Variants in ZNF648 observed in about 807,000 individuals in gnomAD.
ZNF648 encodes the protein zinc finger protein 648.
Under a neutral mutation model 0.3 loss-of-function variants are expected in ZNF648, and 1 was observed. The ratio of observed to expected loss-of-function variants is 3.90; its 90% CI spans 1.39 to 18.51. The LOEUF (loss-of-function observed/expected upper bound fraction) is 18.51. Among genes scored for constraint, ZNF648 ranks in the 30% most tolerant of loss-of-function variants. The pLI, the probability that ZNF648 is intolerant of heterozygous loss-of-function variation, is 0.11. For missense variants in ZNF648, 874 were observed against 769.7 expected, an observed-to-expected ratio of 1.14 and a Z score of -1.60; for synonymous variants, 376 against 326.8, an observed-to-expected ratio of 1.15 and a Z score of -1.62.
upstream of ZNF648, among the ~76,000 whole-genome samples, chr1:182,066,300 G>A (rs1277682615): frequency 6.6e-6 from 1 of 152,198 alleles, no homozygotes; most frequent in African/African-American, 2.4e-5. Flanking sequence ...GGACTGGATG[G>A]GTGGAGTGGA....
At chr1:182,069,620 A>G in the ZNF648 span, among the ~76,000 whole-genome samples, 1 of 152,212 alleles carries the variant, frequency 6.6e-6, no homozygotes, top group African/African-American at 2.4e-5. Context: ...CCTCTGGCAA[A>G]TCTAATGGGG....
rs1665956401 is a variant in ZNF648, at chr1:182,057,645, A to AGCTCTG, written c.360_365dup (p.Arg121_Ala122dup). The AGCTCTG allele has an allele frequency of 1.2e-6, 2 of 1,614,208 alleles. No individual in the cohort carries two copies. The highest frequency in any genetic ancestry group is 1.7e-6 in the Non-Finnish European group (2 of 1,180,032). ...CGAGACCACTGGGAAGGGAACCCAG[A>AGCTCTG]GCTCTGCTTGCTCCCGGGGAACCCT... On this transcript the variant is annotated inframe_insertion, in exon 2 of 2. Transcript: ENST00000339948.
In ZNF648 at chr1:182,056,156, T is replaced by TA; in HGVS notation, c.*147_*148insT. On this transcript the variant is annotated 3_prime_UTR_variant, in exon 2 of 2. Coordinates refer to ENST00000339948, the MANE Select transcript of ZNF648 (RefSeq NM_001009992.1). ...CCTGGGTGCTCTCTCGGTGGTGACT[T>TA]TCTGTTCAAGGGATCAAATAAATAA... 3 of 932,958 alleles carry TA rather than the reference T, an allele frequency of 3.2e-6. No homozygotes were observed. Among genetic ancestry groups the TA allele is most frequent in the South Asian group, 2.8e-5 (1 of 36,282 alleles). 57.8% of individuals were successfully genotyped at this position (932,958 alleles called of 1,614,324 possible). A position where few individuals can be genotyped will look rare whatever the true frequency, so the allele number is the denominator to read the frequency against.
intron 1 of ZNF648, among the ~76,000 whole-genome samples, chr1:182,061,060 G>A (rs1374272704): frequency 6.6e-6 from 1 of 152,098 alleles, no homozygotes; most frequent in Non-Finnish European, 1.5e-5. Context: ...TTTCAGATGA[G>A]GTATCCCTCC....
the ZNF648 span, chr1:182,068,280 A>C: frequency 6.6e-6 from 1 of 152,182 alleles, no homozygotes; most frequent in South Asian, 2.1e-4. Context: ...TTGAGATTGA[A>C]GTATTCATTT....
chr1:182,057,238 G>A lies in ZNF648; in HGVS notation c.773C>T (p.Ala258Val), dbSNP rs758382380. ...RPYRCLRGGR[A>V]FQKPSKPLSP... ...CAGCGGCTTGCTGGGCTTCTGAAAG[G>A]CCCGCCCGCCCCGCAGGCACCTGTA... The change falls in exon 2 of 2, where the codon GCC (alanine) becomes GTC (valine). Residue 258 changes from alanine (A) to valine (V), a missense_variant. Coordinates refer to ENST00000339948, the MANE Select transcript of ZNF648 (RefSeq NM_001009992.1). 48 of 1,568,244 alleles carry A rather than the reference G, an allele frequency of 3.1e-5. No individual in the cohort carries two copies. The African/African-American group carries it at 6.2e-4, about 20-fold the overall frequency.
rs1665927987 is a variant in ZNF648, at chr1:182,056,941, A to C, written c.1070T>G (p.Met357Arg). Residue 357 changes from methionine (M) to arginine (R), a missense_variant, in exon 2 of 2, where the codon ATG becomes AGG. By Grantham distance (91) the Met-to-Arg change is moderately conservative (BLOSUM62 -1). Transcript: ENST00000339948. ...CGGGAAGGGCTTATTGTTGCTGTGC[A>C]TGTTGCGCTGGTGTTTGCGCAGGTC... The part of the protein sequence containing the change: ...SSDLRKHQRN[M>R]HSNNKPFPCS... 6.2e-7 allele frequency: 1 copy of C among 1,612,522 alleles called. No homozygotes were observed. The highest frequency in any genetic ancestry group is 1.7e-5 in the Admixed American group (1 of 59,758).
chr1:182,060,487 A>G (rs1666013242), intron 1 of ZNF648, among the ~76,000 whole-genome samples: 1 of 152,314 alleles, frequency 6.6e-6, no homozygotes, highest in Admixed American at 6.5e-5. Flanking sequence ...CTCTGGATAC[A>G]GAAGCCATGG....
Position 182,056,827 on chromosome 1 carries a change from G to A in ZNF648, c.1184C>T (p.Pro395Leu), listed in dbSNP as rs898947238. 16 of 1,553,854 alleles carry A rather than the reference G, an allele frequency of 1.0e-5. No homozygotes were observed. Among genetic ancestry groups the A allele is most frequent in the Admixed American group, 2.0e-5 (1 of 50,986 alleles). Residue 395 changes from proline to leucine, a missense_variant, in exon 2 of 2, where the codon CCC (proline) becomes CTC (leucine). Pro to Leu is a moderately conservative substitution (Grantham distance 98). Coordinates refer to ENST00000339948, the MANE Select transcript of ZNF648 (RefSeq NM_001009992.1). ...CACAGCGAACTCCCGGTCGCAGGCG[G>A]GGCAGCGGAAGGGCTTGGCGCCCAG... ...THLGAKPFRCPACDREFAVAS... is the reference protein window; with the variant it reads ...THLGAKPFRCLACDREFAVAS...
the ZNF648 span, among the ~76,000 whole-genome samples, chr1:182,067,081 G>A: frequency 1.3e-5 from 2 of 152,224 alleles, no homozygotes; most frequent in African/African-American, 2.4e-5. Context: ...CAGTGACAGA[G>A]TGGAAGGTTT....
chr1:182,057,848 G>C lies in ZNF648; in HGVS notation c.163C>G (p.Pro55Ala), dbSNP rs207460737. The change falls in exon 2 of 2, where the codon CCA becomes GCA. Residue 55 changes from proline (P) to alanine (A), a missense_variant. Pro to Ala is a conservative substitution (Grantham distance 27, BLOSUM62 -1). Coordinates refer to ENST00000339948, the MANE Select transcript of ZNF648 (RefSeq NM_001009992.1). ...KEGTADPVACPRGSSPVTHEN... is the reference protein window; with the variant it reads ...KEGTADPVACARGSSPVTHEN... ...TGTGTTACTGGGGAGCTGCCCCTTG[G>C]ACAGGCCACCGGGTCAGCGGTGCCC... 2 of 1,614,168 alleles carry C rather than the reference G, an allele frequency of 1.2e-6. No homozygotes were observed. Among genetic ancestry groups the C allele is most frequent in the South Asian group, 1.1e-5 (1 of 91,086 alleles).
upstream of ZNF648, among the ~76,000 whole-genome samples, chr1:182,066,556 G>A (rs1666103737): frequency 6.6e-6 from 1 of 152,220 alleles, no homozygotes; most frequent in East Asian, 1.9e-4. Context: ...AAACTTTGCT[G>A]AGTATGAATA....
Position 182,057,566 on chromosome 1 carries a change from C to G in ZNF648, c.445G>C (p.Asp149His). The change falls in exon 2 of 2, where the codon GAT (aspartate) becomes CAT (histidine). Residue 149 changes from aspartate (D) to histidine (H), a missense_variant. Coordinates refer to ENST00000339948, the MANE Select transcript of ZNF648 (RefSeq NM_001009992.1). ...QPLGDRLPAGDDGYSGANQDA... is the reference protein window; with the variant it reads ...QPLGDRLPAGHDGYSGANQDA... ...TGGTTTGCCCCCGAGTATCCATCAT[C>G]ACCCGCAGGTAGTCGGTCCCCAAGA... 6.2e-7 allele frequency: 1 copy of G among 1,614,242 alleles called. No individual in the cohort carries two copies. Among genetic ancestry groups the G allele is most frequent in the Non-Finnish European group, 8.5e-7 (1 of 1,180,036 alleles).
In ZNF648 at chr1:182,056,103, C is replaced by T; in HGVS notation, c.*201G>A. ...TTCCAATTGCTTATGACCTCGGACA[C>T]TCAGAACCACTGATGTGAAACCACC... On this transcript the variant is annotated 3_prime_UTR_variant, in exon 2 of 2. Coordinates refer to ENST00000339948, the MANE Select transcript of ZNF648 (RefSeq NM_001009992.1). The T allele has an allele frequency of 1.5e-6, 1 of 658,944 alleles. No individual in the cohort carries two copies. The highest frequency in any genetic ancestry group is 2.0e-5 in the South Asian group (1 of 48,954). The allele number at this position is 658,944 out of a possible 1,614,324, so 40.8% of individuals were successfully genotyped here. A position where few individuals can be genotyped will look rare whatever the true frequency, so the allele number is the denominator to read the frequency against.
Position 182,057,883 on chromosome 1 carries a change from G to T in ZNF648, c.128C>A (p.Ala43Asp), listed in dbSNP as rs763152829. The T allele has an allele frequency of 1.2e-6, 2 of 1,614,020 alleles. No homozygotes were observed. Among genetic ancestry groups the T allele is most frequent in the Admixed American group, 3.3e-5 (2 of 60,006 alleles). ...LESDDEDGGE[A>D]EKEGTADPVA... ...CGGGTCAGCGGTGCCCTCTTTTTCG[G>T]CCTCCCCACCATCTTCATCGTCACT... Residue 43 changes from alanine (A) to aspartate (D), a missense_variant, in exon 2 of 2, where the codon GCC becomes GAC. Transcript: ENST00000339948.
chr1:182,057,578 G>C lies in ZNF648; in HGVS notation c.433C>G (p.Leu145Val), dbSNP rs1193864351. Reference protein sequence around the residue: ...LGQMQPLGDRLPAGDDGYSGA... With the variant: ...LGQMQPLGDRVPAGDDGYSGA... The stretch of plus-strand genomic sequence containing the variant: ...GAGTATCCATCATCACCCGCAGGTA[G>C]TCGGTCCCCAAGAGGTTGCATCTGA... The change falls in exon 2 of 2, where the codon CTA becomes GTA. Residue 145 changes from leucine (L) to valine (V), a missense_variant. Transcript: ENST00000339948. 1 of 1,614,238 alleles carries C rather than the reference G, an allele frequency of 6.2e-7. No homozygotes were observed. Among genetic ancestry groups the C allele is most frequent in the South Asian group, 1.1e-5 (1 of 91,088 alleles).
rs771912294 is a variant in ZNF648 at position 182,056,551 on chromosome 1, C to T, written c.1460G>A (p.Arg487His). The change falls in exon 2 of 2, where the codon CGC becomes CAC. Residue 487 changes from arginine (R) to histidine (H), a missense_variant. Arg to His is a conservative substitution (Grantham distance 29). Transcript: ENST00000339948. ...TTGGTGCCGCTTCAGGGTCGAAGAG[C>T]GGGCAAAGGCCTGGCCACACTGCGT... ...PCTQCGQAFARSSTLKRHQQI... is the reference protein window; with the variant it reads ...PCTQCGQAFAHSSTLKRHQQI... 11 of 1,613,912 alleles carry T rather than the reference C, an allele frequency of 6.8e-6. No homozygotes were observed. Among genetic ancestry groups the T allele is most frequent in the Non-Finnish European group, 8.5e-6 (10 of 1,179,970 alleles).
rs575186141 is a variant in ZNF648, at chr1:182,057,349, G to A, written c.662C>T (p.Ala221Val). 13 of 1,610,880 alleles carry A rather than the reference G, an allele frequency of 8.1e-6. No homozygotes were observed. In the African/African-American group the frequency reaches 1.5e-4, roughly 18 times the overall value. ...QASATPASLA[A>V]AVLAKARNSR... The stretch of plus-strand genomic sequence containing the variant: ...GTTCCGCGCTTTTGCCAGGACCGCG[G>A]CAGCCAGGCTGGCTGGGGTGGCCGA... Residue 221 changes from alanine (A) to valine (V), a missense_variant, in exon 2 of 2, where the codon GCC (alanine) becomes GTC (valine). Transcript: ENST00000339948.
In ZNF648 at chr1:182,056,830, C is replaced by A; in HGVS notation, c.1181G>T (p.Cys394Phe). The A allele has an allele frequency of 6.4e-7, 1 of 1,555,474 alleles. No individual in the cohort carries two copies. Among genetic ancestry groups the A allele is most frequent in the Non-Finnish European group, 8.7e-7 (1 of 1,149,526 alleles). The change falls in exon 2 of 2, where the codon TGC becomes TTC. Residue 394 changes from cysteine to phenylalanine, a missense_variant. Coordinates refer to ENST00000339948, the MANE Select transcript of ZNF648 (RefSeq NM_001009992.1). ...RTHLGAKPFR[C>F]PACDREFAVA... ...AGCGAACTCCCGGTCGCAGGCGGGG[C>A]AGCGGAAGGGCTTGGCGCCCAGGTG...
Sources: allele counts gnomAD v4.1 joint callset (sites outside exome capture counted in the v4.1 genomes callset), GRCh38; gene constraint gnomAD v4.1.1; transcripts MANE v1.5; gene names NCBI Gene and HGNC (gene_info 2026-07-23, HGNC 2026-07-21).